Variants in MYT1 observed in about 807,000 individuals in gnomAD.
The protein encoded by MYT1 is myelin transcription factor 1, also known as myelin transcription factor I.
A neutral mutation model predicts 123.0 loss-of-function variants in MYT1; 23 were observed. That is an observed-to-expected ratio of 0.19 (90% CI 0.13 to 0.26). MYT1 has a LOEUF of 0.26. Among genes scored for constraint, MYT1 ranks in the 10% least tolerant of loss-of-function variants. The pLI is 1.00. For missense variants in MYT1, 1,125 were observed against 1,472.5 expected (o/e 0.76, Z 3.86); for synonymous variants, 518 against 575.3 (o/e 0.90, Z 1.43).
chr20:64,183,076 A>G (rs921111555), intron 1 of MYT1, among the ~76,000 whole-genome samples: 2 of 152,140 alleles, frequency 1.3e-5, no homozygotes, highest in Non-Finnish European at 2.9e-5. Context: ...GCAACCACGA[A>G]TCTACTTTCT....
intron 4 of MYT1, among the ~76,000 whole-genome samples, chr20:64,201,932 CGCGTGTCGGGAACCTCT>C (rs1568708064): frequency 4.6e-4 from 30 of 65,096 alleles, no homozygotes; most frequent in South Asian, 2.1e-3. Flanking sequence ...CGGGAACCCC[CGCGTGTCGGGAACCTCT>C]GCGTGTCGGG....
At chr20:64,225,856 C>A (rs1984156015) in intron 16 of MYT1, among the ~76,000 whole-genome samples, 2 of 152,110 alleles carry the variant, frequency 1.3e-5, no homozygotes, top group Non-Finnish European at 2.9e-5. Context: ...GCAGGATGGC[C>A]CCCCCTGTGT....
At position 64,235,582 on chromosome 20, in the gene MYT1, C is replaced by T. The variant is rs574486506; in HGVS notation, c.2898-973C>T. ...CCCCGGGATGGTCATGGTGTGTGAC[C>T]CGGGGCTGGCCATGGTGGGTGACCC... On this transcript the variant is annotated intron_variant, in intron 19 of 22. Coordinates refer to ENST00000328439, the MANE Select transcript of MYT1 (RefSeq NM_004535.3). Among the ~76,000 whole-genome samples, 7 of 141,766 alleles carry T rather than the reference C, an allele frequency of 4.9e-5. No homozygotes were observed. The East Asian group carries it at 1.1e-3, about 22-fold the overall frequency. 93.0% of individuals were successfully genotyped at this position (141,766 alleles called of 152,430 possible).
At chr20:64,197,904 G>A (rs1030377064) in intron 2 of MYT1, among the ~76,000 whole-genome samples, 1 of 152,222 alleles carries the variant, frequency 6.6e-6, no homozygotes, top group Non-Finnish European at 1.5e-5. Flanking sequence ...AGGCAGCCAG[G>A]CCCTCGAGGC....
intron 2 of MYT1, 80 bp from the exon 3 acceptor site, chr20:64,198,782 G>A: frequency 6.7e-7 from 1 of 1,484,784 alleles, no homozygotes; most frequent in African/African-American, 1.4e-5. Context: ...GCCAGAAAAT[G>A]GCCAGACATT....
At chr20:64,178,019 A>G (rs1982520773) in intron 1 of MYT1, among the ~76,000 whole-genome samples, 1 of 152,142 alleles carries the variant, frequency 6.6e-6, no homozygotes. Flanking sequence ...AGGGTCTTCC[A>G]GGAGCAGTCC....
At position 64,236,664 on chromosome 20, in the gene MYT1, G is replaced by A; in HGVS notation, c.2989+18G>A. Reference sequence around the variant, plus strand: ...TAGCGACGGTAAGGATGGCTTCCTGGATTTCCCTGCTCATGGCTGGGTGCC... The same window carrying A: ...TAGCGACGGTAAGGATGGCTTCCTGAATTTCCCTGCTCATGGCTGGGTGCC... On this transcript the variant is annotated intron_variant, in intron 20 of 22. Coordinates refer to ENST00000328439, the MANE Select transcript of MYT1 (RefSeq NM_004535.3). 1 of 1,606,544 alleles carries A rather than the reference G, an allele frequency of 6.2e-7. No individual in the cohort carries two copies. Among genetic ancestry groups the A allele is most frequent in the Non-Finnish European group, 8.5e-7 (1 of 1,173,358 alleles).
At chr20:64,201,297 G>A (rs985383098) in intron 4 of MYT1, among the ~76,000 whole-genome samples, 5 of 152,214 alleles carry the variant, frequency 3.3e-5, no homozygotes, top group African/African-American at 1.2e-4. Context: ...CAGTCTAAGT[G>A]AGGGGTTCTG....
intron 7 of MYT1, among the ~76,000 whole-genome samples, chr20:64,210,985 G>A (rs1343482166): frequency 3.3e-5 from 5 of 152,240 alleles, no homozygotes; most frequent in African/African-American, 1.2e-4. Context: ...TGCTATTTGG[G>A]ATTGTCAGGG....
rs1984706407 is a variant in MYT1, at chr20:64,241,154, T to A, written c.*706T>A. On this transcript the variant is annotated 3_prime_UTR_variant, in exon 23 of 23. Transcript: ENST00000328439. The surrounding 1 kb of genome is among the most constrained non-coding windows in gnomAD (Gnocchi z 4.2). The stretch of plus-strand genomic sequence containing the variant: ...ATGGCCTTGGGTCACAGCTCCCTAC[T>A]GGGGCTGCAGCCTTTAGACCCTGGG... 6.6e-6 allele frequency: 1 copy of A among 152,222 alleles called. No individual in the cohort carries two copies. The highest frequency in any genetic ancestry group is 2.4e-5 in the African/African-American group (1 of 41,446). 9.4% of individuals were successfully genotyped at this position (152,222 alleles called of 1,614,324 possible). A position where few individuals can be genotyped will look rare whatever the true frequency, so the allele number is the denominator to read the frequency against.
rs1237321623 is a variant in MYT1, at chr20:64,193,993, C to G, written c.-1+3833C>G. The stretch of plus-strand genomic sequence containing the variant: ...GCCCGGAACCCCCCAGCTCAGCGTT[C>G]CCACATATGGCCTCTCTGCAGCCCC... On this transcript the variant is annotated intron_variant, in intron 2 of 22. Transcript: ENST00000328439. This position sits in a 1 kb window ranked among gnomAD's most constrained non-coding sequence, Gnocchi z 4.0. 6.6e-6 allele frequency among the ~76,000 whole-genome samples: 1 copy of G among 152,162 alleles called. No individual in the cohort carries two copies. Among genetic ancestry groups the G allele is most frequent in the East Asian group, 1.9e-4 (1 of 5,192 alleles).
At position 64,208,371 on chromosome 20, in the gene MYT1, T is replaced by G; in HGVS notation, c.1175T>G (p.Val392Gly). 1.2e-6 allele frequency: 2 copies of G among 1,613,598 alleles called. No homozygotes were observed. Among genetic ancestry groups the G allele is most frequent in the Non-Finnish European group, 1.7e-6 (2 of 1,179,974 alleles). Residue 392 changes from valine (V) to glycine (G), a missense_variant, in exon 7 of 23, where the codon GTG becomes GGG. This residue lies in a region of MYT1 where 429 missense variants were observed against 604.1 expected (regional missense o/e 0.71). Transcript: ENST00000328439. The surrounding 1 kb of genome is among the most constrained non-coding windows in gnomAD (Gnocchi z 5.4). ...EQAIALKAEQ[V>G]RTVCEPGCPP... is the part of the protein sequence containing the mutation. Reference sequence around the variant, plus strand: ...GCCATCGCCCTGAAGGCTGAACAGGTGCGCACAGTCTGCGAGCCGGGCTGC... The same window carrying G: ...GCCATCGCCCTGAAGGCTGAACAGGGGCGCACAGTCTGCGAGCCGGGCTGC...
At chr20:64,238,243 G>C (rs1350882172) in intron 21 of MYT1, among the ~76,000 whole-genome samples, 1 of 152,248 alleles carries the variant, frequency 6.6e-6, no homozygotes, top group African/African-American at 2.4e-5. Context: ...AAAGGGACAA[G>C]GAAGTGACCA....
chr20:64,239,732 CG>C, intron 21 of MYT1, 27 bp from the exon 22 acceptor site: 8 of 1,612,596 alleles, frequency 5.0e-6, no homozygotes, highest in Non-Finnish European at 6.8e-6. Flanking sequence ...CAAGGGCAGG[CG>C]GCACTTCGAA....
intron 18 of MYT1, among the ~76,000 whole-genome samples, chr20:64,230,506 T>A (rs1984287898): frequency 6.6e-6 from 1 of 152,170 alleles, no homozygotes; most frequent in Non-Finnish European, 1.5e-5. Context: ...AGAGCGAGAC[T>A]CCATCTCAAA....
At chr20:64,198,411 TGG>T (rs1395213488) in intron 2 of MYT1, among the ~76,000 whole-genome samples, 82 of 150,002 alleles carry the variant, frequency 5.5e-4, no homozygotes, top group African/African-American at 1.9e-3. Context: ...CTGCCGCTGG[TGG>T]CTGAGTCTGT....
rs1269038586 is a variant in MYT1 at position 64,218,525 on chromosome 20, G to A, written c.1847-386G>A. ...TCACAGAATGCTTCAGTTTCTGATA[G>A]ACAAGTTATTTTTGTTTGAAATATC... On this transcript the variant is annotated intron_variant, in intron 11 of 22. Transcript: ENST00000328439. The surrounding 1 kb of genome is among the most constrained non-coding windows in gnomAD (Gnocchi z 4.0). Among the ~76,000 whole-genome samples, 1 of 152,196 alleles carries A rather than the reference G, an allele frequency of 6.6e-6. No individual in the cohort carries two copies. Among genetic ancestry groups the A allele is most frequent in the Non-Finnish European group, 1.5e-5 (1 of 68,038 alleles).
intron 1 of MYT1, among the ~76,000 whole-genome samples, chr20:64,170,848 CATATATATATATATATAT>C (rs1175817263): frequency 1.2e-4 from 2 of 16,020 alleles, no homozygotes; most frequent in African/African-American, 5.1e-4. Context: ...ACAAATTGGT[CATATATATATATATATAT>C]ATATATATAT....
At chr20:64,236,856 C>T (rs936598106) in intron 20 of MYT1, among the ~76,000 whole-genome samples, 1 of 152,108 alleles carries the variant, frequency 6.6e-6, no homozygotes, top group Non-Finnish European at 1.5e-5. Flanking sequence ...GTCCCTGGCC[C>T]TGAGGAGGTC....
Sources: allele counts gnomAD v4.1 joint callset (sites outside exome capture counted in the v4.1 genomes callset), GRCh38; gene constraint gnomAD v4.1.1; regional missense constraint gnomAD v4.1.1; non-coding constraint Gnocchi (gnomAD v3.1); transcripts MANE v1.5; gene names NCBI Gene and HGNC (gene_info 2026-07-23, HGNC 2026-07-21).